The following PDZD2 variants were observed in gnomAD, a reference collection of about 807,000 sequenced individuals.
PDZD2 encodes PDZ domain containing 2.
PDZD2 carries 90 observed loss-of-function variants against 220.7 expected under a neutral mutation model. That is an observed-to-expected ratio of 0.41 (90% CI 0.34 to 0.49). The LOEUF (loss-of-function observed/expected upper bound fraction) is 0.49, where lower values mean the gene tolerates loss of function less well. PDZD2 is among the 20% of genes least tolerant of loss of function. PDZD2 has a pLI of 0.28. For synonymous variants in PDZD2, 1,375 were observed against 1,450.5 expected (o/e 0.95, Z 1.18); for missense variants, 3,174 against 3,608.5 (o/e 0.88, Z 3.08).
intron 7 of PDZD2, among the ~76,000 whole-genome samples, chr5:32,043,317 A>G (rs771261528): frequency 6.6e-6 from 1 of 152,238 alleles, no homozygotes. Flanking sequence ...ATTCAAGGCC[A>G]CAACAAGGAA....
chr5:31,919,747 T>A (rs1744040345), intron 2 of PDZD2, among the ~76,000 whole-genome samples: 1 of 144,642 alleles, frequency 6.9e-6, no homozygotes, highest in Non-Finnish European at 1.5e-5. Flanking sequence ...GCACAGTGGC[T>A]CACACCTGTA....
At position 31,646,402 on chromosome 5, in the gene PDZD2, T is replaced by C. The variant is rs1745138397; in HGVS notation, c.-361+6965T>C. On this transcript the variant is annotated intron_variant, in intron 1 of 24. Transcript: ENST00000438447. This position sits in a 1 kb window ranked among gnomAD's most constrained non-coding sequence, Gnocchi z 4.7. ...CCTGACCCCTCCACGTCATGAACAC[T>C]AAGTAGCTCCTGACACTGCTTATGT... Among the ~76,000 whole-genome samples the C allele has an allele frequency of 6.6e-6, 1 of 152,126 alleles. No individual in the cohort carries two copies. Among genetic ancestry groups the C allele is most frequent in the Non-Finnish European group, 1.5e-5 (1 of 68,036 alleles).
At chr5:31,653,840 A>G (rs558156118) in intron 1 of PDZD2, among the ~76,000 whole-genome samples, 1 of 152,256 alleles carries the variant, frequency 6.6e-6, no homozygotes, top group African/African-American at 2.4e-5. Context: ...GCTGGAGTGC[A>G]GTGGCGCGAT....
At chr5:31,853,683 G>A (rs544079471) in intron 2 of PDZD2, among the ~76,000 whole-genome samples, 3 of 152,208 alleles carry the variant, frequency 2.0e-5, no homozygotes, top group African/African-American at 7.2e-5. Flanking sequence ...TAATTGCTTC[G>A]AATTCCACCA....
At chr5:31,762,362 A>G (rs1751701497) in intron 1 of PDZD2, among the ~76,000 whole-genome samples, 2 of 152,256 alleles carry the variant, frequency 1.3e-5, no homozygotes, top group African/African-American at 4.8e-5. Flanking sequence ...ATTTCAGCTC[A>G]CTACAACCTC....
intron 2 of PDZD2, among the ~76,000 whole-genome samples, chr5:31,904,100 C>A (rs1742407148): frequency 6.6e-6 from 1 of 151,090 alleles, no homozygotes; most frequent in Non-Finnish European, 1.5e-5. Context: ...TTCAATTAGC[C>A]AAAATACAAA....
chr5:31,822,885 G>T, intron 2 of PDZD2: 1 of 808,758 alleles, frequency 1.2e-6, no homozygotes, highest in South Asian at 1.3e-5. Context: ...AGCCCAGTGT[G>T]ACACCCTTGA....
At chr5:31,917,358 A>C (rs2150375277) in intron 2 of PDZD2, among the ~76,000 whole-genome samples, 1 of 152,212 alleles carries the variant, frequency 6.6e-6, no homozygotes, top group Admixed American at 6.5e-5. Context: ...ACATGGCAAA[A>C]CCCTGTTGCT....
At chr5:31,905,078 C>T (rs573481262) in intron 2 of PDZD2, among the ~76,000 whole-genome samples, 14 of 152,252 alleles carry the variant, frequency 9.2e-5, no homozygotes, top group African/African-American at 3.1e-4. Flanking sequence ...AAGCAATTCT[C>T]CTACCTCAGC....
In PDZD2 at chr5:32,107,980, G is replaced by A; in HGVS notation, c.8365G>A (p.Glu2789Lys). The A allele has an allele frequency of 6.2e-7, 1 of 1,612,830 alleles. No homozygotes were observed. Among genetic ancestry groups the A allele is most frequent in the Non-Finnish European group, 8.5e-7 (1 of 1,179,002 alleles). The change falls in exon 25 of 25, where the codon GAA (glutamate) becomes AAA (lysine). Residue 2789 changes from glutamate to lysine, a missense_variant. Transcript: ENST00000438447. ...IKRVYKGGAAEQAGIIEAGDE... is the reference protein window; with the variant it reads ...IKRVYKGGAAKQAGIIEAGDE... ...GTTTATTCTCGTAGGTGGTGCGGCT[G>A]AACAAGCTGGAATAATAGAAGCTGG...
chr5:31,851,841 T>C (rs1438860201), intron 2 of PDZD2, among the ~76,000 whole-genome samples: 1 of 151,976 alleles, frequency 6.6e-6, no homozygotes, highest in African/African-American at 2.4e-5. Flanking sequence ...ATTAAGGTAT[T>C]AGGCAGATGT....
chr5:31,652,147 TTTTGTTTGTTTG>T (rs61335359), intron 1 of PDZD2, among the ~76,000 whole-genome samples: 1 of 147,282 alleles, frequency 6.8e-6, no homozygotes, highest in Non-Finnish European at 1.5e-5. Flanking sequence ...TTTTTTTGTT[TTTTGTTTGTTTG>T]TTTGTTTGTT....
chr5:32,016,199 G>T (rs150092172), intron 6 of PDZD2, among the ~76,000 whole-genome samples: 104 of 152,266 alleles, frequency 6.8e-4, no homozygotes, highest in African/African-American at 2.5e-3. Flanking sequence ...TAGAAATGAG[G>T]CCTGTGGAAA....
intron 2 of PDZD2, among the ~76,000 whole-genome samples, chr5:31,973,344 G>A (rs1160602889): frequency 6.6e-6 from 1 of 152,184 alleles, no homozygotes; most frequent in Non-Finnish European, 1.5e-5. Flanking sequence ...AGATCAATAT[G>A]AAAGTGAAAC....
At chr5:32,034,086 C>A (rs1009832362) in intron 6 of PDZD2, among the ~76,000 whole-genome samples, 2 of 152,132 alleles carry the variant, frequency 1.3e-5, no homozygotes, top group Non-Finnish European at 2.9e-5. Flanking sequence ...TGTCTCTGAT[C>A]CTATGAAAAC....
intron 5 of PDZD2, among the ~76,000 whole-genome samples, chr5:32,001,764 C>T (rs766882097): frequency 6.6e-6 from 1 of 152,130 alleles, no homozygotes; most frequent in Non-Finnish European, 1.5e-5. Context: ...AGCCGATGTG[C>T]TGTTGATGAG....
At chr5:31,800,348 G>A (rs1754320336) in intron 2 of PDZD2, among the ~76,000 whole-genome samples, 1 of 152,186 alleles carries the variant, frequency 6.6e-6, no homozygotes. Flanking sequence ...ACGGTGCTCA[G>A]TTCTCCCAGC....
In PDZD2 at chr5:32,000,567, A is replaced by G. The variant is rs1369418628; in HGVS notation, c.1254+296A>G. On this transcript the variant is annotated intron_variant, in intron 5 of 24. Transcript: ENST00000438447. The surrounding 1 kb of genome is among the most constrained non-coding windows in gnomAD (Gnocchi z 4.5). ...CTCTTGTTGCCTAGTCTGGAGTGCAATGGCGCAATCTCGGCTCACCGCAAC... is the reference window on the plus strand; with the variant it reads ...CTCTTGTTGCCTAGTCTGGAGTGCAGTGGCGCAATCTCGGCTCACCGCAAC... 1.3e-5 allele frequency among the ~76,000 whole-genome samples: 2 copies of G among 151,830 alleles called. No individual in the cohort carries two copies. The highest frequency in any genetic ancestry group is 2.4e-5 in the African/African-American group (1 of 41,276).
chr5:31,994,723 G>T (rs1003594195), intron 3 of PDZD2, among the ~76,000 whole-genome samples: 1 of 151,942 alleles, frequency 6.6e-6, no homozygotes, highest in Non-Finnish European at 1.5e-5. Flanking sequence ...CTGACCTCAG[G>T]TGATCCACCT....
Sources: gnomAD v4.1 joint callset for allele counts (sites outside exome capture counted in the v4.1 genomes callset) on GRCh38, gnomAD v4.1.1 for gene constraint, Gnocchi (gnomAD v3.1) non-coding constraint, MANE v1.5 for transcripts, NCBI Gene and HGNC (gene_info 2026-07-23, HGNC 2026-07-21) for gene names.